CAMKK2: variants seen among roughly 807,000 people sequenced by gnomAD.
The protein encoded by CAMKK2 is calcium/calmodulin-dependent protein kinase kinase 2.
CAMKK2 carries 30 observed loss-of-function variants against 67.2 expected under a neutral mutation model. The ratio of observed to expected loss-of-function variants is 0.45; its 90% CI spans 0.33 to 0.61. The LOEUF is 0.61. CAMKK2 is among the 20% of genes least tolerant of loss of function. The pLI is 0.02. For synonymous variants in CAMKK2, 322 were observed against 326.2 expected, an observed-to-expected ratio of 0.99 and a Z score of 0.14; for missense variants, 643 against 802.0, an observed-to-expected ratio of 0.80 and a Z score of 2.39.
intron 1 of CAMKK2, among the ~76,000 whole-genome samples, chr12:121,295,059 AC>A (rs555125229): frequency 3.4e-4 from 52 of 152,196 alleles, no homozygotes; most frequent in African/African-American, 1.2e-3. Flanking sequence ...AATCCCAGCT[AC>A]TGGAGAGGCT....
At chr12:121,263,649 T>C (rs1035075246) in intron 6 of CAMKK2, among the ~76,000 whole-genome samples, 157 bp downstream of exon 6, 2 of 152,220 alleles carry the variant, frequency 1.3e-5, no homozygotes, top group South Asian at 2.1e-4. Context: ...AAATAGTTAA[T>C]GTGAGTAACA....
chr12:121,297,009 G>A (rs564323369), upstream of CAMKK2: 2 of 153,298 alleles, frequency 1.3e-5, no homozygotes, highest in Admixed American at 6.5e-5. Flanking sequence ...CGGGGGAAGA[G>A]AGGCCCGGCC....
At chr12:121,263,061 C>T (rs571435356) in intron 6 of CAMKK2, among the ~76,000 whole-genome samples, 20 of 152,186 alleles carry the variant, frequency 1.3e-4, no homozygotes, top group African/African-American at 3.4e-4. Flanking sequence ...CTCTGCCTCC[C>T]CAGTTCAAGC....
intron 1 of CAMKK2, among the ~76,000 whole-genome samples, chr12:121,289,369 C>T (rs2136629972): frequency 6.6e-6 from 1 of 152,316 alleles, no homozygotes; most frequent in Middle Eastern, 3.4e-3. Context: ...AAGCAGCAGC[C>T]AGGGGTCTTC....
Position 121,238,180 on chromosome 12 carries a change from G to T in CAMKK2, c.*2519C>A, listed in dbSNP as rs1198151960. 1 of 152,268 alleles carries T rather than the reference G, an allele frequency of 6.6e-6. No homozygotes were observed. Among genetic ancestry groups the T allele is most frequent in the Admixed American group, 6.5e-5 (1 of 15,270 alleles). 9.4% of individuals were successfully genotyped at this position (152,268 alleles called of 1,614,324 possible). ...GGGAGAGGCCTCCGCAGCCCCAAGTGTCAACAAGGGGCTCAATAAGGCTTT... is the reference window on the plus strand; with the variant it reads ...GGGAGAGGCCTCCGCAGCCCCAAGTTTCAACAAGGGGCTCAATAAGGCTTT... On this transcript the variant is annotated 3_prime_UTR_variant, in exon 17 of 17. Transcript: ENST00000404169.
chr12:121,291,161 T>C (rs1566149322), intron 1 of CAMKK2, among the ~76,000 whole-genome samples: 1 of 152,086 alleles, frequency 6.6e-6, no homozygotes, highest in Non-Finnish European at 1.5e-5. Context: ...TTGCAAGGGG[T>C]AGGTAAGGGT....
intron 1 of CAMKK2, among the ~76,000 whole-genome samples, chr12:121,279,506 C>G (rs1897356484): frequency 6.6e-6 from 1 of 152,214 alleles, no homozygotes; most frequent in Admixed American, 6.5e-5. Flanking sequence ...ACAGCAACGG[C>G]TAACATTCAA....
intron 5 of CAMKK2, among the ~76,000 whole-genome samples, chr12:121,267,022 C>CTTTT (rs58762246): frequency 1.3e-4 from 4 of 30,734 alleles, no homozygotes; most frequent in East Asian, 1.3e-3. Flanking sequence ...GTGCTCTGGC[C>CTTTT]TTTTTTTTTT....
chr12:121,271,082 C>A, intron 2 of CAMKK2, 137 bp from the exon 3 acceptor site: 1 of 682,118 alleles, frequency 1.5e-6, no homozygotes, highest in Non-Finnish European at 2.6e-6. Context: ...CCAGACCAGC[C>A]TGGCCAACAT....
intron 10 of CAMKK2, 39 bp from the exon 11 acceptor site, chr12:121,252,753 G>A (rs547529785): frequency 1.5e-5 from 24 of 1,602,060 alleles, no homozygotes; most frequent in African/African-American, 9.4e-5. Flanking sequence ...CATAAGGGGT[G>A]GTCCAGCCTC....
intron 1 of CAMKK2, among the ~76,000 whole-genome samples, chr12:121,282,656 C>T (rs1048309481): frequency 2.6e-5 from 4 of 152,190 alleles, no homozygotes; most frequent in Non-Finnish European, 4.4e-5. Context: ...CTGGAACAGA[C>T]TCCCCTCGGA....
chr12:121,295,935 AATGCTGAGAGGGGCT>A (rs145308455), intron 1 of CAMKK2, among the ~76,000 whole-genome samples: 7,393 of 152,264 alleles, frequency 0.049, 268 homozygotes, highest in South Asian at 0.14. Flanking sequence ...ACAGAGCCCC[AATGCTGAGAGGGGCT>A]GGGTCCAGTG....
chr12:121,240,658 AGGCGACGC>A lies in CAMKK2; in HGVS notation c.*33_*40del. ...GAAACGCGGTGCAGCAGCCCCCCAG[AGGCGACGC>A]GGCGCGCATGCGAGGTCGAGCGATC... is the stretch of plus-strand genomic sequence containing the variant. On this transcript the variant is annotated 3_prime_UTR_variant, in exon 17 of 17. Transcript: ENST00000404169. This position sits in a 1 kb window ranked among gnomAD's most constrained non-coding sequence, Gnocchi z 4.4. The A allele has an allele frequency of 6.4e-7, 1 of 1,552,030 alleles. No homozygotes were observed. The highest frequency in any genetic ancestry group is 8.7e-7 in the Non-Finnish European group (1 of 1,154,348).
At chr12:121,278,346 T>A (rs1194060523) in intron 1 of CAMKK2, among the ~76,000 whole-genome samples, 7 of 152,232 alleles carry the variant, frequency 4.6e-5, no homozygotes, top group African/African-American at 1.7e-4. Flanking sequence ...TTGGTGCCCA[T>A]CTGATAGTCA....
At chr12:121,252,563 T>C in intron 11 of CAMKK2, 98 bp downstream of exon 11, 1 of 1,209,150 alleles carries the variant, frequency 8.3e-7, no homozygotes. Context: ...CAGCCTAAAA[T>C]AACTCTTAAA....
At chr12:121,295,485 C>T (rs1900955804) in intron 1 of CAMKK2, among the ~76,000 whole-genome samples, 1 of 152,132 alleles carries the variant, frequency 6.6e-6, no homozygotes. Context: ...TGTTGCAGCC[C>T]CCGCCTCCTC....
intron 5 of CAMKK2, among the ~76,000 whole-genome samples, chr12:121,268,106 T>TATATA (rs1441008073): frequency 1.0e-4 from 6 of 60,110 alleles, no homozygotes; most frequent in African/African-American, 3.2e-4. Context: ...ATATACTCTA[T>TATATA]TCATATTACT....
intron 2 of CAMKK2, 138 bp downstream of exon 2, chr12:121,273,918 G>T (rs1465137556): frequency 9.1e-6 from 6 of 661,106 alleles, no homozygotes; most frequent in Non-Finnish European, 1.4e-5. Flanking sequence ...CGCCCCCAAG[G>T]TTCCCTGGAG....
intron 1 of CAMKK2, among the ~76,000 whole-genome samples, chr12:121,280,087 A>C (rs889821876): frequency 2.6e-5 from 4 of 152,274 alleles, no homozygotes; most frequent in Admixed American, 6.5e-5. Context: ...CCTGCCCGGG[A>C]CATCAATGTC....
Sources: allele counts gnomAD v4.1 joint callset (sites outside exome capture counted in the v4.1 genomes callset), GRCh38; gene constraint gnomAD v4.1.1; non-coding constraint Gnocchi (gnomAD v3.1); transcripts MANE v1.5; gene names NCBI Gene and HGNC (gene_info 2026-07-23, HGNC 2026-07-21).